COL24A1: variants seen among roughly 807,000 people sequenced by gnomAD.
COL24A1 encodes collagen type XXIV alpha 1 chain, also known as collagen alpha-1(XXIV) chain.
A neutral mutation model predicts 253.9 loss-of-function variants in COL24A1; 224 were observed. The ratio of observed to expected loss-of-function variants is 0.88; its 90% CI spans 0.79 to 0.99. The LOEUF (loss-of-function observed/expected upper bound fraction) is 0.99, where lower values mean the gene tolerates loss of function less well. COL24A1 is among the 50% of genes least tolerant of loss of function. The pLI is 0.00. For missense variants in COL24A1, 2,131 were observed against 2,068.5 expected (o/e 1.03, Z -0.59); for synonymous variants, 685 against 673.7 (o/e 1.02, Z -0.26).
intron 24 of COL24A1, among the ~76,000 whole-genome samples, chr1:85,924,832 C>T (rs1686994500): frequency 2.0e-5 from 3 of 152,022 alleles, no homozygotes; most frequent in Admixed American, 2.0e-4. Context: ...GGCAATCAGG[C>T]AAGAGAAAGA....
At chr1:85,849,275 A>C (rs1677489060) in intron 38 of COL24A1, 78 bp downstream of exon 38, 2 of 1,017,594 alleles carry the variant, frequency 2.0e-6, no homozygotes, top group South Asian at 3.2e-5. Flanking sequence ...AGTCCAAATT[A>C]AAAACATTAC....
chr1:85,780,722 C>T (rs1387088636), intron 52 of COL24A1, among the ~76,000 whole-genome samples: 1 of 152,110 alleles, frequency 6.6e-6, no homozygotes, highest in Non-Finnish European at 1.5e-5. Context: ...TAAACATTTT[C>T]CCCTACTTCC....
intron 51 of COL24A1, 34 bp from the exon 52 acceptor site, chr1:85,781,307 A>G: frequency 7.0e-7 from 1 of 1,438,246 alleles, no homozygotes; most frequent in Non-Finnish European, 9.5e-7. Context: ...TCTCACTGTT[A>G]GTATAATTAA....
intron 28 of COL24A1, among the ~76,000 whole-genome samples, chr1:85,901,824 C>CA (rs55862441): frequency 0.23 from 13,311 of 57,330 alleles, 3,101 homozygotes; most frequent in African/African-American, 0.4. Context: ...GACTCCGTCT[C>CA]AAAAAAAAAA....
chr1:85,874,229 T>A (rs1273726560), intron 35 of COL24A1, among the ~76,000 whole-genome samples: 4 of 152,342 alleles, frequency 2.6e-5, no homozygotes, highest in African/African-American at 4.8e-5. Flanking sequence ...TCCTTGCATC[T>A]TGTTAACTTT....
At chr1:86,004,155 C>T (rs774989306) in intron 19 of COL24A1, among the ~76,000 whole-genome samples, 1 of 152,150 alleles carries the variant, frequency 6.6e-6, no homozygotes, top group South Asian at 2.1e-4. Flanking sequence ...CACCATTCCA[C>T]GAAGAAGGCA....
At chr1:85,869,099 G>T (rs1215710459) in intron 35 of COL24A1, among the ~76,000 whole-genome samples, 1 of 152,058 alleles carries the variant, frequency 6.6e-6, no homozygotes, top group Non-Finnish European at 1.5e-5. Flanking sequence ...GATAATTAAA[G>T]TAATATATAT....
chr1:86,098,359 A>T (rs1237783854), intron 5 of COL24A1, among the ~76,000 whole-genome samples: 1 of 151,554 alleles, frequency 6.6e-6, no homozygotes, highest in Non-Finnish European at 1.5e-5. Context: ...GAGGAGAGGA[A>T]AGGAAAGGAG....
chr1:85,735,224 T>C (rs1284313230), intron 58 of COL24A1, among the ~76,000 whole-genome samples: 1 of 152,190 alleles, frequency 6.6e-6, no homozygotes, highest in Non-Finnish European at 1.5e-5. Context: ...GAATTCAGAC[T>C]ACCAAGGTGA....
intron 43 of COL24A1, 26 bp from the exon 44 acceptor site, chr1:85,823,764 TA>T: frequency 6.3e-7 from 1 of 1,598,160 alleles, no homozygotes. Context: ...ATTACATTAT[TA>T]GAGTAAGTAG....
intron 24 of COL24A1, among the ~76,000 whole-genome samples, chr1:85,945,013 T>TGTTTG (rs1558752212): frequency 7.6e-5 from 6 of 79,316 alleles, no homozygotes; most frequent in African/African-American, 3.1e-4. Context: ...TTTTTTTTTT[T>TGTTTG]TTTTTTTTTT....
chr1:85,958,612 A>G (rs1158899885), intron 24 of COL24A1, among the ~76,000 whole-genome samples: 1 of 152,186 alleles, frequency 6.6e-6, no homozygotes, highest in Non-Finnish European at 1.5e-5. Context: ...CTATTAAAAT[A>G]TTCTTGCCTA....
At chr1:86,044,791 T>C (rs1699775252) in intron 12 of COL24A1, among the ~76,000 whole-genome samples, 1 of 152,154 alleles carries the variant, frequency 6.6e-6, no homozygotes, top group Admixed American at 6.5e-5. Context: ...AGAAATTACC[T>C]GTACATTGCC....
Position 85,793,066 on chromosome 1 carries a change from AT to A in COL24A1, c.3952-6606del, listed in dbSNP as rs1218239038. Among the ~76,000 whole-genome samples, 11 of 151,844 alleles carry A rather than the reference AT, an allele frequency of 7.2e-5. No homozygotes were observed. The South Asian group carries it at 2.1e-3, about 29-fold the overall frequency. ...TCAATTTTGAATTTAGTACCAAAGCATTTTTTCCTTTTTTTTCAAATAACAT... is the reference window on the plus strand; with the variant it reads ...TCAATTTTGAATTTAGTACCAAAGCATTTTTCCTTTTTTTTCAAATAACAT... On this transcript the variant is annotated intron_variant, in intron 47 of 59. Coordinates refer to ENST00000370571, the MANE Select transcript of COL24A1 (RefSeq NM_152890.7).
At chr1:86,122,110 C>T (rs6690591) in intron 3 of COL24A1, among the ~76,000 whole-genome samples, 26,593 of 151,896 alleles carry the variant, frequency 0.18, 2,444 homozygotes, top group South Asian at 0.27. Flanking sequence ...TTCTACACTG[C>T]GCTGAAGTTA....
At chr1:85,849,918 T>C (rs1398842313) in intron 37 of COL24A1, among the ~76,000 whole-genome samples, 1 of 151,988 alleles carries the variant, frequency 6.6e-6, no homozygotes, top group Non-Finnish European at 1.5e-5. Flanking sequence ...ATCTAGTACA[T>C]GGTCAAGGAA....
At chr1:86,032,515 T>G (rs1698663406) in intron 13 of COL24A1, among the ~76,000 whole-genome samples, 1 of 152,168 alleles carries the variant, frequency 6.6e-6, no homozygotes, top group Admixed American at 6.6e-5. Context: ...TGATCATTAT[T>G]AATTTTTCCA....
intron 43 of COL24A1, among the ~76,000 whole-genome samples, chr1:85,827,662 T>G (rs1443831160): frequency 6.6e-6 from 1 of 152,078 alleles, no homozygotes; most frequent in Non-Finnish European, 1.5e-5. Context: ...GGAGGGTGTA[T>G]GTGTCGAGGA....
chr1:85,933,954 A>G (rs1688036997), intron 24 of COL24A1, among the ~76,000 whole-genome samples: 2 of 152,172 alleles, frequency 1.3e-5, no homozygotes. Context: ...GTATTATCTC[A>G]CAGTTTCTGT....
Sources: allele counts gnomAD v4.1 joint callset (sites outside exome capture counted in the v4.1 genomes callset), GRCh38; gene constraint gnomAD v4.1.1; transcripts MANE v1.5; gene names NCBI Gene and HGNC (gene_info 2026-07-23, HGNC 2026-07-21).